The following SMYD3 variants were observed in gnomAD, a reference collection of about 807,000 sequenced individuals.
SMYD3 encodes the protein histone-lysine N-methyltransferase SMYD3.
A neutral mutation model predicts 57.7 loss-of-function variants in SMYD3; 36 were observed. The ratio of observed to expected loss-of-function variants is 0.62; its 90% CI spans 0.48 to 0.82. The LOEUF (loss-of-function observed/expected upper bound fraction) is 0.82, where lower values mean the gene tolerates loss of function less well. Among genes scored for constraint, SMYD3 ranks in the 40% least tolerant of loss-of-function variants. The pLI, the probability that SMYD3 is intolerant of heterozygous loss-of-function variation, is 0.00. For synonymous variants in SMYD3, 211 were observed against 195.0 expected, an observed-to-expected ratio of 1.08 and a Z score of -0.68; for missense variants, 515 against 538.8, an observed-to-expected ratio of 0.96 and a Z score of 0.44.
intron 8 of SMYD3, among the ~76,000 whole-genome samples, chr1:245,910,609 G>A (rs6661324): frequency 0.13 from 20,250 of 151,802 alleles, 3,406 homozygotes; most frequent in African/African-American, 0.39. Context: ...ATGAAAGAAC[G>A]TAGAAACAAA....
At chr1:245,773,078 G>A (rs2046401789) in intron 10 of SMYD3, among the ~76,000 whole-genome samples, 1 of 142,672 alleles carries the variant, frequency 7.0e-6, no homozygotes, top group Non-Finnish European at 1.5e-5. Context: ...GGTTGGGGGT[G>A]GGGAGAATCA....
intron 10 of SMYD3, among the ~76,000 whole-genome samples, chr1:245,799,218 G>A (rs1383067139): frequency 6.6e-6 from 1 of 152,198 alleles, no homozygotes; most frequent in East Asian, 1.9e-4. Context: ...ACACAGCTGT[G>A]CAAGGAGCAC....
intron 10 of SMYD3, 54 bp downstream of exon 10, chr1:245,858,442 T>A: frequency 6.5e-7 from 1 of 1,528,066 alleles, no homozygotes; most frequent in Non-Finnish European, 8.8e-7. Context: ...ATGGATCCTT[T>A]GCCCAACGTG....
At chr1:246,304,586 T>TA (rs909056599) in intron 5 of SMYD3, among the ~76,000 whole-genome samples, 14 of 152,280 alleles carry the variant, frequency 9.2e-5, no homozygotes, top group Non-Finnish European at 1.3e-4. Context: ...CAAAGCCAAG[T>TA]AAAGCAAGCC....
intron 1 of SMYD3, among the ~76,000 whole-genome samples, chr1:246,442,319 G>A (rs779484883): frequency 1.1e-4 from 17 of 152,126 alleles, no homozygotes; most frequent in Non-Finnish European, 1.8e-4. Context: ...CACTTTGGGA[G>A]GCCGAGGCAG....
chr1:246,163,303 G>C (rs965469723), intron 5 of SMYD3, among the ~76,000 whole-genome samples: 1 of 152,148 alleles, frequency 6.6e-6, no homozygotes, highest in Non-Finnish European at 1.5e-5. Context: ...CATATCAAAG[G>C]GTAAGGCTGT....
At chr1:246,492,567 T>C (rs1408566423) in intron 1 of SMYD3, among the ~76,000 whole-genome samples, 1 of 152,224 alleles carries the variant, frequency 6.6e-6, no homozygotes, top group Non-Finnish European at 1.5e-5. Flanking sequence ...AGAGTCACTA[T>C]TTAACAAACG....
chr1:246,235,561 G>A (rs796637109), intron 5 of SMYD3, among the ~76,000 whole-genome samples: 2 of 152,110 alleles, frequency 1.3e-5, no homozygotes, highest in African/African-American at 4.8e-5. Flanking sequence ...CAGACAAAAA[G>A]ACATGTATGG....
intron 1 of SMYD3, among the ~76,000 whole-genome samples, chr1:246,376,783 A>G (rs1455417658): frequency 1.3e-5 from 2 of 151,984 alleles, no homozygotes; most frequent in Non-Finnish European, 2.9e-5. Context: ...AATGTATTAC[A>G]GATTAAAATT....
chr1:245,864,130 C>A (rs2051698544), intron 8 of SMYD3, among the ~76,000 whole-genome samples: 1 of 152,112 alleles, frequency 6.6e-6, no homozygotes, highest in Non-Finnish European at 1.5e-5. Flanking sequence ...GAAACGGAAA[C>A]CCTCATACAC....
chr1:246,481,786 G>A (rs567145695), intron 1 of SMYD3, among the ~76,000 whole-genome samples: 1 of 120,958 alleles, frequency 8.3e-6, no homozygotes, highest in South Asian at 2.4e-4. Flanking sequence ...TATATATATA[G>A]AGAGAGAGAG....
At chr1:246,334,257 C>G (rs2065505937) in intron 3 of SMYD3, among the ~76,000 whole-genome samples, 1 of 152,136 alleles carries the variant, frequency 6.6e-6, no homozygotes, top group Non-Finnish European at 1.5e-5. Flanking sequence ...GATACATGTA[C>G]TCATACACTC....
chr1:246,486,601 T>C (rs2068191480), intron 1 of SMYD3, among the ~76,000 whole-genome samples: 1 of 152,200 alleles, frequency 6.6e-6, no homozygotes, highest in South Asian at 2.1e-4. Flanking sequence ...TTTCATTCAT[T>C]CTGTAGATGA....
chr1:245,886,776 A>C (rs1309730908), intron 8 of SMYD3, among the ~76,000 whole-genome samples: 1 of 152,120 alleles, frequency 6.6e-6, no homozygotes, highest in African/African-American at 2.4e-5. Context: ...TTGGTTCTAC[A>C]CACACTCACG....
At chr1:246,040,388 CT>C (rs60111215) in intron 5 of SMYD3, among the ~76,000 whole-genome samples, 4,545 of 152,268 alleles carry the variant, frequency 0.03, 99 homozygotes, top group South Asian at 0.042. Context: ...TGCCGCTTAT[CT>C]TTTTTCTCAC....
chr1:245,922,980 T>C (rs746321181), intron 7 of SMYD3, among the ~76,000 whole-genome samples: 13 of 152,224 alleles, frequency 8.5e-5, no homozygotes, highest in Non-Finnish European at 1.6e-4. Flanking sequence ...TTAGGCTTCA[T>C]CTATTGCTTC....
intron 10 of SMYD3, among the ~76,000 whole-genome samples, chr1:245,798,447 AAAATATGC>A (rs2047683551): frequency 1.9e-4 from 1 of 5,182 alleles, no homozygotes. Flanking sequence ...CACACACATA[AAAATATGC>A]ACACACATAC....
intron 5 of SMYD3, among the ~76,000 whole-genome samples, chr1:246,047,485 T>C (rs2059989623): frequency 6.6e-6 from 1 of 152,228 alleles, no homozygotes; most frequent in Non-Finnish European, 1.5e-5. Flanking sequence ...AGCTGGATTG[T>C]ATTACCTCAA....
chr1:246,424,228 G>T (rs975956043), intron 1 of SMYD3, among the ~76,000 whole-genome samples: 1 of 151,966 alleles, frequency 6.6e-6, no homozygotes, highest in Non-Finnish European at 1.5e-5. Flanking sequence ...CTATTGTAAG[G>T]TTCTTACATT....
Sources: allele counts gnomAD v4.1 joint callset (sites outside exome capture counted in the v4.1 genomes callset), GRCh38; gene constraint gnomAD v4.1.1; transcripts MANE v1.5; gene names NCBI Gene and HGNC (gene_info 2026-07-23, HGNC 2026-07-21).